The following UNC13C variants were observed in gnomAD, a reference collection of about 807,000 sequenced individuals.
UNC13C encodes unc-13 homolog C.
UNC13C carries 174 observed loss-of-function variants against 245.4 expected under a neutral mutation model. The ratio of observed to expected loss-of-function variants is 0.71; its 90% CI spans 0.63 to 0.80. UNC13C has a LOEUF of 0.80. Ranked by LOEUF, UNC13C falls within the 30% of genes least tolerant of loss-of-function variation. The pLI, the probability that UNC13C is intolerant of heterozygous loss-of-function variation, is 0.00. For synonymous variants in UNC13C, 992 were observed against 895.1 expected, an observed-to-expected ratio of 1.11 and a Z score of -1.93; for missense variants, 2,829 against 2,602.9, an observed-to-expected ratio of 1.09 and a Z score of -1.89.
At chr15:54,552,403 TATAATTATATATTACAATATATAATATA>T in intron 28 of UNC13C, among the ~76,000 whole-genome samples, 1 of 4,424 alleles carries the variant, frequency 2.3e-4, no homozygotes, top group East Asian at 4.0e-3. Context: ...TATATAATTA[TATAATTATATATTACAATATATAATATA>T]ATTATATATT....
Position 54,300,274 on chromosome 15 carries a change from G to A in UNC13C, c.4169G>A (p.Gly1390Glu). ...GGAGTGAAAATCCCAGAAGTCAAAG[G>A]GGATGAAGCCTGGAAGGTTTTCTTT... ...NGGVKIPEVK[G>E]DEAWKVFFDD... The change falls in exon 13 of 33, where the codon GGG (glycine) becomes GAG (glutamate). Residue 1390 changes from glycine to glutamate, a missense_variant. Gly to Glu is a moderately conservative substitution (Grantham distance 98, BLOSUM62 -2). Coordinates refer to ENST00000260323, the MANE Select transcript of UNC13C (RefSeq NM_001080534.3). The A allele has an allele frequency of 6.3e-7, 1 of 1,597,090 alleles. No homozygotes were observed. The highest frequency in any genetic ancestry group is 8.5e-7 in the Non-Finnish European group (1 of 1,170,928).
intron 23 of UNC13C, among the ~76,000 whole-genome samples, chr15:54,509,549 A>C (rs768680767): frequency 6.6e-6 from 1 of 152,160 alleles, no homozygotes; most frequent in Non-Finnish European, 1.5e-5. Context: ...TAAAGGTATT[A>C]TTCTATTTTT....
At position 54,033,303 on chromosome 15, in the gene UNC13C, CAT is replaced by C. The variant is rs568483155; in HGVS notation, c.2983+17419_2983+17420del. On this transcript the variant is annotated intron_variant, in intron 2 of 32. Coordinates refer to ENST00000260323, the MANE Select transcript of UNC13C (RefSeq NM_001080534.3). ...CTGATAAAAAGCTGAAAATGCAAAA[CAT>C]AAAGTGTTCACACATTTTGGAAGAG... is the stretch of plus-strand genomic sequence containing the variant. 2.6e-4 allele frequency among the ~76,000 whole-genome samples: 39 copies of C among 152,144 alleles called. No homozygotes were observed. The East Asian group carries it at 6.8e-3, about 26-fold the overall frequency.
At chr15:54,130,879 C>A (rs2031375946) in intron 2 of UNC13C, among the ~76,000 whole-genome samples, 2 of 152,110 alleles carry the variant, frequency 1.3e-5, no homozygotes, top group African/African-American at 4.8e-5. Flanking sequence ...TTTACAGATT[C>A]TATTGTACCT....
At chr15:54,201,341 A>C (rs2034515314) in intron 4 of UNC13C, among the ~76,000 whole-genome samples, 1 of 152,050 alleles carries the variant, frequency 6.6e-6, no homozygotes, top group African/African-American at 2.4e-5. Context: ...TAGTACCAAA[A>C]CCAGGACAGG....
chr15:54,184,325 G>T (rs1466001075), intron 4 of UNC13C, among the ~76,000 whole-genome samples: 1 of 151,892 alleles, frequency 6.6e-6, no homozygotes, highest in Non-Finnish European at 1.5e-5. Context: ...TGCGGGTTTT[G>T]TTACATATGT....
intron 2 of UNC13C, among the ~76,000 whole-genome samples, chr15:54,040,056 T>C (rs1412219276): frequency 6.6e-6 from 1 of 152,042 alleles, no homozygotes; most frequent in Admixed American, 6.6e-5. Flanking sequence ...TTACGCTCTT[T>C]CCTCATTACC....
At chr15:54,613,210 TAATA>T (rs1900218342) in intron 30 of UNC13C, among the ~76,000 whole-genome samples, 1 of 151,782 alleles carries the variant, frequency 6.6e-6, no homozygotes, top group South Asian at 2.1e-4. Flanking sequence ...CTGTTTAAAA[TAATA>T]AAACAGTATA....
At chr15:53,947,782 T>A in the UNC13C span, 1 of 152,234 alleles carries the variant, frequency 6.6e-6, no homozygotes, top group Non-Finnish European at 1.5e-5. Flanking sequence ...CTGGGACTTG[T>A]TCCATTATAA....
chr15:54,015,938 T>G, intron 2 of UNC13C, 52 bp downstream of exon 2: 6 of 1,408,410 alleles, frequency 4.3e-6, no homozygotes, highest in Non-Finnish European at 5.7e-6. Context: ...TAACATTGGG[T>G]AGCACTTCTT....
chr15:54,443,226 A>G (rs909141825), intron 19 of UNC13C, among the ~76,000 whole-genome samples: 8 of 152,004 alleles, frequency 5.3e-5, no homozygotes, highest in African/African-American at 1.9e-4. Context: ...GTCTCTGATG[A>G]TCTTTTACAT....
At chr15:54,058,599 T>A (rs1330745655) in intron 2 of UNC13C, among the ~76,000 whole-genome samples, 4 of 152,216 alleles carry the variant, frequency 2.6e-5, no homozygotes, top group Non-Finnish European at 5.9e-5. Context: ...GAATCCTCCC[T>A]AACTCATTTT....
At chr15:54,246,960 T>C (rs972577550) in intron 7 of UNC13C, among the ~76,000 whole-genome samples, 3 of 152,214 alleles carry the variant, frequency 2.0e-5, no homozygotes, top group Non-Finnish European at 4.4e-5. Flanking sequence ...TCACTCATTT[T>C]GCCAAATCCT....
intron 19 of UNC13C, among the ~76,000 whole-genome samples, chr15:54,446,755 C>T (rs760697005): frequency 6.6e-6 from 1 of 152,180 alleles, no homozygotes; most frequent in Non-Finnish European, 1.5e-5. Context: ...AGTTGACTTC[C>T]TCTTTTCCCA....
At chr15:54,508,145 C>T (rs188651580) in intron 23 of UNC13C, among the ~76,000 whole-genome samples, 101 of 150,950 alleles carry the variant, frequency 6.7e-4, no homozygotes, top group African/African-American at 2.3e-3. Context: ...TTTCTTATTG[C>T]TATTGATTAT....
At chr15:54,582,230 G>T (rs1353091213) in intron 30 of UNC13C, among the ~76,000 whole-genome samples, 1 of 152,140 alleles carries the variant, frequency 6.6e-6, no homozygotes, top group Non-Finnish European at 1.5e-5. Context: ...TACAGGTCAT[G>T]CCAGGGTCAA....
intron 4 of UNC13C, among the ~76,000 whole-genome samples, chr15:54,151,201 C>T (rs1375906047): frequency 1.3e-5 from 2 of 152,170 alleles, no homozygotes; most frequent in East Asian, 1.9e-4. Flanking sequence ...TCCATCCTCA[C>T]ACATATATAA....
At chr15:53,899,213 A>G in the UNC13C span, among the ~76,000 whole-genome samples, 3 of 152,200 alleles carry the variant, frequency 2.0e-5, no homozygotes, top group African/African-American at 7.2e-5. Context: ...GTCCACTGGA[A>G]TATAAGCTCT....
At chr15:54,128,320 C>T (rs978263896) in intron 2 of UNC13C, among the ~76,000 whole-genome samples, 5 of 152,116 alleles carry the variant, frequency 3.3e-5, no homozygotes, top group Admixed American at 2.0e-4. Flanking sequence ...TAATATCATA[C>T]GAATATTTAT....
Sources: gnomAD v4.1 joint callset for allele counts (sites outside exome capture counted in the v4.1 genomes callset) on GRCh38, gnomAD v4.1.1 for gene constraint, MANE v1.5 for transcripts, NCBI Gene and HGNC (gene_info 2026-07-23, HGNC 2026-07-21) for gene names.